The following PVT1 variants were observed in gnomAD, a reference collection of about 807,000 sequenced individuals.
PVT1 encodes the protein Pvt1 oncogene.
At chr8:127,889,357 T>G (rs1234013453) in intron 2 of PVT1, among the ~76,000 whole-genome samples, 1 of 152,070 alleles carries the variant, frequency 6.6e-6, no homozygotes, top group Non-Finnish European at 1.5e-5. Context: ...CTTGAATTCC[T>G]GGCCTCAAGG....
At chr8:128,036,331 G>A (rs1207961412) in intron 4 of PVT1, among the ~76,000 whole-genome samples, 1 of 152,200 alleles carries the variant, frequency 6.6e-6, no homozygotes, top group African/African-American at 2.4e-5. Flanking sequence ...TGGCTGTCTG[G>A]AGCACAGTAT....
At chr8:128,002,454 A>G (rs1817191389) in intron 4 of PVT1, among the ~76,000 whole-genome samples, 1 of 152,246 alleles carries the variant, frequency 6.6e-6, no homozygotes, top group African/African-American at 2.4e-5. Context: ...AGGTTGCCCA[A>G]AACAACAGAA....
intron 2 of PVT1, among the ~76,000 whole-genome samples, chr8:127,866,289 G>A (rs1027970263): frequency 1.6e-4 from 24 of 152,122 alleles, no homozygotes; most frequent in African/African-American, 5.8e-4. Context: ...TGGGACCCTC[G>A]TGAGCTGTCT....
chr8:127,939,617 C>T lies in PVT1; in HGVS notation n.782+48619C>T, dbSNP rs1816324109. ...GCTGAATCATCTCCCCTTTGAGCTG[C>T]TTGGCACGTGGCTCCCTTGGTGTTC... On this transcript the variant is annotated intron_variant and non_coding_transcript_variant, in intron 3 of 10. Coordinates refer to ENST00000651587, the Ensembl canonical transcript of PVT1. The T allele has an allele frequency of 1.3e-5, 2 of 152,240 alleles. 1 individual carries two copies. The highest frequency in any genetic ancestry group is 4.1e-4 in the South Asian group (2 of 4,830). 9.4% of individuals were successfully genotyped at this position (152,240 alleles called of 1,614,324 possible). A position where few individuals can be genotyped will look rare whatever the true frequency, so the allele number is the denominator to read the frequency against.
At chr8:127,942,609 C>G (rs918465784) in intron 3 of PVT1, among the ~76,000 whole-genome samples, 3 of 152,200 alleles carry the variant, frequency 2.0e-5, no homozygotes, top group African/African-American at 7.2e-5. Flanking sequence ...CCACCATGTA[C>G]TGTTGACCAG....
At chr8:127,910,697 TC>T (rs1815883613) in intron 3 of PVT1, among the ~76,000 whole-genome samples, 1 of 152,290 alleles carries the variant, frequency 6.6e-6, no homozygotes, top group Non-Finnish European at 1.5e-5. Flanking sequence ...ATAATTTAAT[TC>T]CTGTAATAAT....
At chr8:127,829,187 G>A (rs2129694283) in intron 2 of PVT1, among the ~76,000 whole-genome samples, 1 of 152,266 alleles carries the variant, frequency 6.6e-6, no homozygotes, top group Admixed American at 6.5e-5. Context: ...CGAGGCAGGA[G>A]AATCACTTGA....
chr8:127,971,693 G>T (rs1414839279), intron 3 of PVT1, among the ~76,000 whole-genome samples: 1 of 152,166 alleles, frequency 6.6e-6, no homozygotes, highest in Non-Finnish European at 1.5e-5. Flanking sequence ...TCTGGGCCTC[G>T]CTTTTCTCAT....
At chr8:127,923,260 G>A (rs956420373) in intron 3 of PVT1, among the ~76,000 whole-genome samples, 2 of 152,222 alleles carry the variant, frequency 1.3e-5, no homozygotes, top group Admixed American at 6.5e-5. Flanking sequence ...TTTAGTTAAT[G>A]CTCACAAGCA....
chr8:127,999,768 C>T (rs1817154276), intron 4 of PVT1, among the ~76,000 whole-genome samples: 1 of 152,222 alleles, frequency 6.6e-6, no homozygotes, highest in Non-Finnish European at 1.5e-5. Context: ...GGCCCCCATC[C>T]ACTTTTAACA....
chr8:127,832,818 A>T (rs967821116), intron 2 of PVT1, among the ~76,000 whole-genome samples: 2 of 151,932 alleles, frequency 1.3e-5, no homozygotes, highest in South Asian at 4.2e-4. Flanking sequence ...AGATCGCACC[A>T]CTCCACTCCA....
At chr8:128,008,793 G>A (rs928701535) in intron 4 of PVT1, 28 of 402,722 alleles carry the variant, frequency 7.0e-5, no homozygotes, top group South Asian at 4.9e-4. Context: ...TGCCCACTCA[G>A]CTGATGAGAT....
chr8:127,924,657 G>A (rs10088904), intron 3 of PVT1, among the ~76,000 whole-genome samples: 6,014 of 151,848 alleles, frequency 0.04, 403 homozygotes, highest in African/African-American at 0.14. Flanking sequence ...GACTACAGGC[G>A]CCCACCACCA....
Position 128,015,234 on chromosome 8 carries a change from C to T in PVT1, n.912+25943C>T, listed in dbSNP as rs115556408. 3.2e-3 allele frequency among the ~76,000 whole-genome samples: 482 copies of T among 152,050 alleles called. 2 individuals carry two copies. Among genetic ancestry groups the T allele is most frequent in the African/African-American group, 0.011 (465 of 41,494 alleles). ...CCTCCTGAGTAACTGGGATTGCAGG[C>T]GTGCACCAACACATCAGGCTACTTT... On this transcript the variant is annotated intron_variant and non_coding_transcript_variant, in intron 4 of 10. Transcript: ENST00000651587.
chr8:127,999,898 T>C lies in PVT1; in HGVS notation n.912+10607T>C, dbSNP rs144337069. 9.8e-5 allele frequency among the ~76,000 whole-genome samples: 15 copies of C among 152,376 alleles called. No homozygotes were observed. In the East Asian group the frequency reaches 2.9e-3, roughly 29 times the overall value. ...ACATTGGACTTTTCCCTATGGTCAA[T>C]GTGGCCTCATTCAACAAAAATCAAG... On this transcript the variant is annotated intron_variant and non_coding_transcript_variant, in intron 4 of 10. Coordinates refer to ENST00000651587, the Ensembl canonical transcript of PVT1.
chr8:127,910,883 G>T (rs1240715955), intron 3 of PVT1, among the ~76,000 whole-genome samples: 3 of 140,906 alleles, frequency 2.1e-5, no homozygotes, highest in Non-Finnish European at 4.5e-5. Flanking sequence ...TCTGCTGTGT[G>T]TGTGTGTGTT....
intron 3 of PVT1, among the ~76,000 whole-genome samples, chr8:127,972,776 C>T (rs1378623224): frequency 6.6e-6 from 1 of 152,060 alleles, no homozygotes; most frequent in Non-Finnish European, 1.5e-5. Flanking sequence ...ATAGCTTTGC[C>T]AGGGTTCCGC....
intron 4 of PVT1, among the ~76,000 whole-genome samples, chr8:128,037,748 G>A (rs1813482523): frequency 6.6e-6 from 1 of 152,138 alleles, no homozygotes; most frequent in South Asian, 2.1e-4. Context: ...CTGCCTTCCA[G>A]GTAAACACAA....
chr8:127,975,136 A>G (rs1330872086), intron 3 of PVT1, among the ~76,000 whole-genome samples: 4 of 152,220 alleles, frequency 2.6e-5, no homozygotes, highest in African/African-American at 9.6e-5. Context: ...ATCTTCGTGC[A>G]TATAACCTTT....
Sources: allele counts gnomAD v4.1 joint callset (sites outside exome capture counted in the v4.1 genomes callset), GRCh38; gene constraint gnomAD v4.1.1; transcripts MANE v1.5; gene names NCBI Gene and HGNC (gene_info 2026-07-23, HGNC 2026-07-21).